Variants in GALNTL6 observed in about 807,000 individuals in gnomAD.
GALNTL6 encodes polypeptide N-acetylgalactosaminyltransferase-like 6.
A neutral mutation model predicts 73.7 loss-of-function variants in GALNTL6; 46 were observed. That is an observed-to-expected ratio of 0.62 (90% CI 0.49 to 0.80). The LOEUF (loss-of-function observed/expected upper bound fraction) is 0.80, where lower values mean the gene tolerates loss of function less well. GALNTL6 is among the 30% of genes least tolerant of loss of function. The probability of loss-of-function intolerance (pLI) is 0.00; values close to 1 mark genes in which losing one functional copy is unlikely to be tolerated. For missense variants in GALNTL6, 604 were observed against 755.0 expected, an observed-to-expected ratio of 0.80 and a Z score of 2.34; for synonymous variants, 259 against 263.7, an observed-to-expected ratio of 0.98 and a Z score of 0.17.
intron 5 of GALNTL6, among the ~76,000 whole-genome samples, chr4:172,629,463 G>A (rs544294453): frequency 2.0e-5 from 3 of 152,122 alleles, no homozygotes; most frequent in South Asian, 4.2e-4. Context: ...TACTCTTTTG[G>A]TGAAAAGGAA....
intron 2 of GALNTL6, among the ~76,000 whole-genome samples, chr4:172,206,550 A>C (rs940586153): frequency 3.9e-5 from 6 of 152,288 alleles, no homozygotes; most frequent in South Asian, 4.1e-4. Context: ...AAGAAAATAA[A>C]ACAGTGATGC....
chr4:172,995,486 G>A (rs1285659574), intron 10 of GALNTL6, among the ~76,000 whole-genome samples: 2 of 152,186 alleles, frequency 1.3e-5, no homozygotes, highest in Admixed American at 1.3e-4. Flanking sequence ...TTCAAGTGGA[G>A]CACAGGAACT....
intron 5 of GALNTL6, among the ~76,000 whole-genome samples, chr4:172,521,670 A>T (rs1453567076): frequency 1.3e-5 from 2 of 152,200 alleles, no homozygotes; most frequent in African/African-American, 4.8e-5. Context: ...TTCATAAGTG[A>T]TCAGATAGGA....
chr4:172,939,017 C>T (rs529234286), intron 9 of GALNTL6, among the ~76,000 whole-genome samples: 25 of 152,198 alleles, frequency 1.6e-4, no homozygotes, highest in Non-Finnish European at 2.1e-4. Flanking sequence ...AAATATAATA[C>T]CTCAGGACAG....
intron 2 of GALNTL6, among the ~76,000 whole-genome samples, chr4:171,826,911 T>C (rs1441609666): frequency 1.3e-5 from 2 of 152,108 alleles, no homozygotes; most frequent in African/African-American, 2.4e-5. Context: ...CCATACCACG[T>C]ACATTTACCA....
chr4:171,877,254 T>TGAA (rs1736306242), intron 2 of GALNTL6, among the ~76,000 whole-genome samples: 1 of 152,184 alleles, frequency 6.6e-6, no homozygotes, highest in Non-Finnish European at 1.5e-5. Flanking sequence ...GAATTACCCC[T>TGAA]TTCTCTGAGA....
chr4:172,777,919 C>G (rs1317574550), intron 5 of GALNTL6, among the ~76,000 whole-genome samples: 2 of 152,226 alleles, frequency 1.3e-5, no homozygotes, highest in African/African-American at 4.8e-5. Flanking sequence ...CATATGCACA[C>G]ATGCCATGGT....
At chr4:172,310,467 C>T (rs972673804) in intron 3 of GALNTL6, among the ~76,000 whole-genome samples, 12 of 152,010 alleles carry the variant, frequency 7.9e-5, no homozygotes, top group African/African-American at 2.9e-4. Context: ...GACGGCATTT[C>T]GCCAGGTTGG....
chr4:172,156,949 T>A (rs181718262), intron 2 of GALNTL6, among the ~76,000 whole-genome samples: 2 of 152,172 alleles, frequency 1.3e-5, no homozygotes, highest in Non-Finnish European at 1.5e-5. Flanking sequence ...TGTAATCAGC[T>A]GGAGAGAGTA....
At chr4:172,663,235 A>G (rs923058363) in intron 5 of GALNTL6, among the ~76,000 whole-genome samples, 5 of 152,202 alleles carry the variant, frequency 3.3e-5, no homozygotes, top group Non-Finnish European at 5.9e-5. Context: ...CACTCTGGGT[A>G]CTATATTCAG....
intron 2 of GALNTL6, among the ~76,000 whole-genome samples, chr4:172,008,063 A>G (rs1207972823): frequency 6.6e-6 from 1 of 152,094 alleles, no homozygotes; most frequent in African/African-American, 2.4e-5. Flanking sequence ...ATATTTTGTG[A>G]CTAATTGTCA....
intron 8 of GALNTL6, among the ~76,000 whole-genome samples, chr4:172,902,089 T>A (rs571185958): frequency 9.9e-5 from 15 of 152,248 alleles, no homozygotes; most frequent in African/African-American, 3.6e-4. Flanking sequence ...CAAATCCAGG[T>A]ACTTAATTTG....
intron 2 of GALNTL6, among the ~76,000 whole-genome samples, chr4:171,951,882 C>T (rs1738892995): frequency 6.6e-6 from 1 of 151,894 alleles, no homozygotes; most frequent in East Asian, 1.9e-4. Flanking sequence ...TAGTTTGTAA[C>T]CTGAACTCTT....
At chr4:172,737,535 G>C (rs1560916375) in intron 5 of GALNTL6, among the ~76,000 whole-genome samples, 1 of 151,952 alleles carries the variant, frequency 6.6e-6, no homozygotes, top group African/African-American at 2.4e-5. Flanking sequence ...ATATTATCTT[G>C]GAGATCACTG....
At chr4:171,924,656 AG>A (rs904334289) in intron 2 of GALNTL6, among the ~76,000 whole-genome samples, 2 of 152,172 alleles carry the variant, frequency 1.3e-5, no homozygotes, top group African/African-American at 2.4e-5. Flanking sequence ...TGCCTGTCAC[AG>A]GGAAGGTATT....
chr4:171,991,236 T>A (rs909264064), intron 2 of GALNTL6, among the ~76,000 whole-genome samples: 1 of 152,162 alleles, frequency 6.6e-6, no homozygotes, highest in African/African-American at 2.4e-5. Flanking sequence ...TGAGGATTAG[T>A]GAAGGTTTTA....
At chr4:171,956,208 T>C (rs755704461) in intron 2 of GALNTL6, among the ~76,000 whole-genome samples, 20 of 152,282 alleles carry the variant, frequency 1.3e-4, no homozygotes, top group Non-Finnish European at 2.2e-4. Flanking sequence ...TTTTACTATG[T>C]TGCCCAGGAT....
At chr4:172,108,059 G>C (rs1030049611) in intron 2 of GALNTL6, among the ~76,000 whole-genome samples, 5 of 152,108 alleles carry the variant, frequency 3.3e-5, no homozygotes, top group African/African-American at 1.2e-4. Context: ...ACTTATTCAT[G>C]CTCTTTATTA....
At chr4:172,415,291 T>G (rs1047592993) in intron 5 of GALNTL6, among the ~76,000 whole-genome samples, 4 of 152,198 alleles carry the variant, frequency 2.6e-5, no homozygotes, top group Non-Finnish European at 5.9e-5. Context: ...TGAATCAGTT[T>G]CAGTATTAGC....
Sources: gnomAD v4.1 joint callset for allele counts (sites outside exome capture counted in the v4.1 genomes callset) on GRCh38, gnomAD v4.1.1 for gene constraint, MANE v1.5 for transcripts, NCBI Gene and HGNC (gene_info 2026-07-23, HGNC 2026-07-21) for gene names.